Variants in GPRIN2 observed in about 807,000 individuals in gnomAD.
The protein encoded by GPRIN2 is G protein regulated inducer of neurite outgrowth 2, also known as G protein-regulated inducer of neurite outgrowth 2.
A neutral mutation model predicts 0.3 loss-of-function variants in GPRIN2; 1 was observed. That is an observed-to-expected ratio of 3.90 (90% CI 1.39 to 18.51). The LOEUF is 18.51. Ranked by LOEUF, GPRIN2 falls within the 30% of genes most tolerant of loss-of-function variation. The probability of loss-of-function intolerance (pLI) is 0.11; values close to 1 mark genes in which losing one functional copy is unlikely to be tolerated. For synonymous variants in GPRIN2, 361 were observed against 258.6 expected, an observed-to-expected ratio of 1.40 and a Z score of -3.80; for missense variants, 880 against 604.2, an observed-to-expected ratio of 1.46 and a Z score of -4.79.
At chr10:46,553,536 T>C (rs1260582941) in intron 2 of GPRIN2, among the ~76,000 whole-genome samples, 4 of 152,274 alleles carry the variant, frequency 2.6e-5, no homozygotes, top group Admixed American at 2.0e-4. Context: ...CAGCAGCCTC[T>C]GGCCCCTGAG....
Position 46,546,622 on chromosome 10 carries a change from T to C in GPRIN2, c.*2738A>G, listed in dbSNP as rs1842183896. Among the ~76,000 whole-genome samples, 1 of 152,310 alleles carries C rather than the reference T, an allele frequency of 6.6e-6. No homozygotes were observed. Among genetic ancestry groups the C allele is most frequent in the African/African-American group, 2.4e-5 (1 of 41,488 alleles). ...CTAGAGTCCAAGGGGAGGAGATCTG[T>C]AAACTAAACCGCTGGCCATGCTCTG... On this transcript the variant is annotated 3_prime_UTR_variant, in exon 3 of 3. Transcript: ENST00000374314.
chr10:46,552,232 A>C (rs1300483761), intron 2 of GPRIN2, among the ~76,000 whole-genome samples: 1 of 152,310 alleles, frequency 6.6e-6, no homozygotes, highest in African/African-American at 2.4e-5. Context: ...CCATGTGTCC[A>C]GAGCATATGA....
In GPRIN2 at chr10:46,550,751, G is replaced by A. The variant is rs1832255298; in HGVS notation, c.-6-9C>T. 2 of 1,499,170 alleles carry A rather than the reference G, an allele frequency of 1.3e-6. No individual in the cohort carries two copies. Among genetic ancestry groups the A allele is most frequent in the Non-Finnish European group, 1.8e-6 (2 of 1,125,808 alleles). 92.9% of individuals were successfully genotyped at this position (1,499,170 alleles called of 1,614,324 possible). Reference sequence around the variant, plus strand: ...CTGGAGCTCATGGCTGCCTGCAGAAGAGAGAAAGGGAGGGAGTGGAGTTGA... The same window carrying A: ...CTGGAGCTCATGGCTGCCTGCAGAAAAGAGAAAGGGAGGGAGTGGAGTTGA... On this transcript the variant is annotated splice_polypyrimidine_tract_variant and intron_variant, in intron 2 of 2. Transcript: ENST00000374314.
At chr10:46,557,131 C>CA (rs1195377359), upstream of GPRIN2, among the ~76,000 whole-genome samples, 1 of 152,288 alleles carries the variant, frequency 6.6e-6, no homozygotes, top group Non-Finnish European at 1.5e-5. Context: ...CTCCGCCTCT[C>CA]ACAATTCTCT....
rs1463204053 is a variant in GPRIN2 at position 46,548,477 on chromosome 10, C to G, written c.*883G>C. 2.0e-5 allele frequency among the ~76,000 whole-genome samples: 3 copies of G among 152,308 alleles called. No homozygotes were observed. Among genetic ancestry groups the G allele is most frequent in the Non-Finnish European group, 2.9e-5 (2 of 68,056 alleles). ...AATAGTGCAATTTTAGGCTTTGTAACTGAGATTAGGGCAGGTGGCCACCCA... is the reference window on the plus strand; with the variant it reads ...AATAGTGCAATTTTAGGCTTTGTAAGTGAGATTAGGGCAGGTGGCCACCCA... On this transcript the variant is annotated 3_prime_UTR_variant, in exon 3 of 3. Transcript: ENST00000374314.
rs782063398 is a variant in GPRIN2, at chr10:46,550,207, G to A, written c.530C>T (p.Ala177Val). The change falls in exon 3 of 3, where the codon GCT (alanine) becomes GTT (valine). Residue 177 changes from alanine (A) to valine (V), a missense_variant. Physicochemically the swap from Ala to Val is moderately conservative, Grantham distance 64. Coordinates refer to ENST00000374314, the MANE Select transcript of GPRIN2 (RefSeq NM_001385282.1). ...QAPAGLERDL[A>V]PEDETSNSAW... ...TGAGTTAGAAGTCTCATCCTCAGGA[G>A]CCAGGTCCCTTTCCAGGCCTGCAGG... is the stretch of plus-strand genomic sequence containing the variant. 6.2e-7 allele frequency: 1 copy of A among 1,601,644 alleles called. No homozygotes were observed. Among genetic ancestry groups the A allele is most frequent in the Non-Finnish European group, 8.5e-7 (1 of 1,173,686 alleles).
At position 46,548,870 on chromosome 10, in the gene GPRIN2, A is replaced by C. The variant is rs1842402296; in HGVS notation, c.*490T>G. ...ATGAAGAGGTGAAGACAGGACAAGCACAGTATGTGGCACACAGGAGGCCTC... is the reference window on the plus strand; with the variant it reads ...ATGAAGAGGTGAAGACAGGACAAGCCCAGTATGTGGCACACAGGAGGCCTC... On this transcript the variant is annotated 3_prime_UTR_variant, in exon 3 of 3. Coordinates refer to ENST00000374314, the MANE Select transcript of GPRIN2 (RefSeq NM_001385282.1). 6.6e-6 allele frequency among the ~76,000 whole-genome samples: 1 copy of C among 152,308 alleles called. No homozygotes were observed. Among genetic ancestry groups the C allele is most frequent in the Admixed American group, 6.5e-5 (1 of 15,292 alleles).
At position 46,545,457 on chromosome 10, in the gene GPRIN2, C is replaced by A. The variant is rs545260395; in HGVS notation, c.*3903G>T. On this transcript the variant is annotated 3_prime_UTR_variant, in exon 3 of 3. Coordinates refer to ENST00000374314, the MANE Select transcript of GPRIN2 (RefSeq NM_001385282.1). ...CTGCCCCTCCCTTAACTTGCTCTCC[C>A]CTCCCTAATAACTCCAGCATCCTCA... Among the ~76,000 whole-genome samples, 2 of 152,304 alleles carry A rather than the reference C, an allele frequency of 1.3e-5. No homozygotes were observed. Among genetic ancestry groups the A allele is most frequent in the African/African-American group, 4.8e-5 (2 of 41,484 alleles).
At position 46,546,025 on chromosome 10, in the gene GPRIN2, T is replaced by C. The variant is rs1456890952; in HGVS notation, c.*3335A>G. On this transcript the variant is annotated 3_prime_UTR_variant, in exon 3 of 3. Transcript: ENST00000374314. ...GCGTGTAGAAGACCCCTTCAGCCCT[T>C]GTAAAGTTAGGATCTAGCATGTCTA... is the stretch of plus-strand genomic sequence containing the variant. 6.6e-6 allele frequency among the ~76,000 whole-genome samples: 1 copy of C among 152,300 alleles called. No individual in the cohort carries two copies. The highest frequency in any genetic ancestry group is 1.5e-5 in the Non-Finnish European group (1 of 68,048).
Position 46,545,650 on chromosome 10 carries a change from C to T in GPRIN2, c.*3710G>A, listed in dbSNP as rs1588952820. Among the ~76,000 whole-genome samples, 1 of 152,310 alleles carries T rather than the reference C, an allele frequency of 6.6e-6. No individual in the cohort carries two copies. Among genetic ancestry groups the T allele is most frequent in the Non-Finnish European group, 1.5e-5 (1 of 68,058 alleles). On this transcript the variant is annotated 3_prime_UTR_variant, in exon 3 of 3. Transcript: ENST00000374314. Reference sequence around the variant, plus strand: ...GAGGAACCTGGAAAGAGGCTCTGAACAAGGGACTTTTAAGGAAGTGGGATG... The same window carrying T: ...GAGGAACCTGGAAAGAGGCTCTGAATAAGGGACTTTTAAGGAAGTGGGATG...
At position 46,549,579 on chromosome 10, in the gene GPRIN2, A is replaced by AGCATCCCATCGC; in HGVS notation, c.1146_1157dup (p.Arg383_Ala386dup). 6.2e-7 allele frequency: 1 copy of AGCATCCCATCGC among 1,614,178 alleles called. No homozygotes were observed. Among genetic ancestry groups the AGCATCCCATCGC allele is most frequent in the Non-Finnish European group, 8.5e-7 (1 of 1,179,960 alleles). Reference sequence around the variant, plus strand: ...CGTACACCTCCCATGTCATGCCCTCAGCATCCCATCGCACATCCCGCACAG... The same window carrying AGCATCCCATCGC: ...CGTACACCTCCCATGTCATGCCCTCAGCATCCCATCGCGCATCCCATCGCACATCCCGCACAG... On this transcript the variant is annotated inframe_insertion, in exon 3 of 3. Coordinates refer to ENST00000374314, the MANE Select transcript of GPRIN2 (RefSeq NM_001385282.1).
rs541269943 is a variant in GPRIN2, at chr10:46,545,990, G to A, written c.*3370C>T. 1.3e-5 allele frequency among the ~76,000 whole-genome samples: 2 copies of A among 152,308 alleles called. No individual in the cohort carries two copies. Among genetic ancestry groups the A allele is most frequent in the African/African-American group, 2.4e-5 (1 of 41,488 alleles). On this transcript the variant is annotated 3_prime_UTR_variant, in exon 3 of 3. Coordinates refer to ENST00000374314, the MANE Select transcript of GPRIN2 (RefSeq NM_001385282.1). ...ACGGTGGCCAACCCCAGCCCAAAGT[G>A]TTGGGACCTGCGTGTAGAAGACCCC...
Position 46,550,464 on chromosome 10 carries a change from C to A in GPRIN2, c.273G>T (p.Trp91Cys). Reference protein sequence around the residue: ...KARPSAGGHWWSSTVGNVSTM... With the variant: ...KARPSAGGHWCSSTVGNVSTM... ...TGGACACATTGCCCACAGTGCTGCT[C>A]CACCAGTGGCCTCCAGCACTGGGTC... The change falls in exon 3 of 3, where the codon TGG (tryptophan) becomes TGT (cysteine). Residue 91 changes from tryptophan (W) to cysteine (C), a missense_variant. Physicochemically the swap from Trp to Cys is radical, Grantham distance 215 (BLOSUM62 -2). Transcript: ENST00000374314. The A allele has an allele frequency of 6.2e-7, 1 of 1,611,750 alleles. No homozygotes were observed.
chr10:46,550,439 T>A lies in GPRIN2; in HGVS notation c.298A>T (p.Thr100Ser). 6.2e-7 allele frequency: 1 copy of A among 1,602,524 alleles called. No homozygotes were observed. Among genetic ancestry groups the A allele is most frequent in the Non-Finnish European group, 8.5e-7 (1 of 1,176,514 alleles). Residue 100 changes from threonine (T) to serine (S), a missense_variant, in exon 3 of 3, where the codon ACC becomes TCC. By Grantham distance (58) the Thr-to-Ser change is moderately conservative (BLOSUM62 1). Coordinates refer to ENST00000374314, the MANE Select transcript of GPRIN2 (RefSeq NM_001385282.1). ...WWSSTVGNVS[T>S]MGGSDLCRLR... Reference sequence around the variant, plus strand: ...CGACACAGGTCACTGCCGCCCATGGTGGACACATTGCCCACAGTGCTGCTC... The same window carrying A: ...CGACACAGGTCACTGCCGCCCATGGAGGACACATTGCCCACAGTGCTGCTC...
chr10:46,551,143 G>C (rs536222155), intron 2 of GPRIN2, among the ~76,000 whole-genome samples: 2 of 152,292 alleles, frequency 1.3e-5, no homozygotes, highest in African/African-American at 4.8e-5. Flanking sequence ...TGGGATAACA[G>C]CTCTTGGTCA....
At chr10:46,557,228 T>C (rs1843348651), upstream of GPRIN2, among the ~76,000 whole-genome samples, 2 of 152,306 alleles carry the variant, frequency 1.3e-5, no homozygotes, top group Non-Finnish European at 2.9e-5. Context: ...GCCTCGGACT[T>C]TCCAGCCCCA....
At position 46,543,962 on chromosome 10, in the gene GPRIN2, G is replaced by GTTT. The variant is rs1833013453; in HGVS notation, c.*5395_*5397dup. Among the ~76,000 whole-genome samples the GTTT allele has an allele frequency of 0.02, 2,963 of 151,588 alleles. No homozygotes were observed. The highest frequency in any genetic ancestry group is 0.068 in the African/African-American group (2,778 of 41,008). The stretch of plus-strand genomic sequence containing the variant: ...GGCCCACGTCACTTTGGTTTCGCTT[G>GTTT]TTTTTTTTTTTAGTAAACATCAGCT... On this transcript the variant is annotated 3_prime_UTR_variant, in exon 3 of 3. Coordinates refer to ENST00000374314, the MANE Select transcript of GPRIN2 (RefSeq NM_001385282.1).
At chr10:46,552,775 G>C (rs546585531) in intron 2 of GPRIN2, among the ~76,000 whole-genome samples, 1 of 152,310 alleles carries the variant, frequency 6.6e-6, no homozygotes, top group African/African-American at 2.4e-5. Context: ...AATGGCTACC[G>C]TACAGGACTG....
intron 2 of GPRIN2, 130 bp from the exon 3 acceptor site, chr10:46,550,872 A>T: frequency 9.7e-7 from 1 of 1,027,796 alleles, no homozygotes; most frequent in South Asian, 2.6e-5. Flanking sequence ...CTGACTGGTC[A>T]GAACCATATG....
Sources: gnomAD v4.1 joint callset for allele counts (sites outside exome capture counted in the v4.1 genomes callset) on GRCh38, gnomAD v4.1.1 for gene constraint, MANE v1.5 for transcripts, NCBI Gene and HGNC (gene_info 2026-07-23, HGNC 2026-07-21) for gene names.